Variants in PAQR5 observed in about 807,000 individuals in gnomAD.
The protein encoded by PAQR5 is membrane progestin receptor gamma.
A neutral mutation model predicts 34.5 loss-of-function variants in PAQR5; 20 were observed. That is an observed-to-expected ratio of 0.58 (90% CI 0.41 to 0.84). The LOEUF (loss-of-function observed/expected upper bound fraction) is 0.84, where lower values mean the gene tolerates loss of function less well. Ranked by LOEUF, PAQR5 falls within the 40% of genes least tolerant of loss-of-function variation. The pLI is 0.00. For missense variants in PAQR5, 378 were observed against 412.7 expected, an observed-to-expected ratio of 0.92 and a Z score of 0.73; for synonymous variants, 131 against 155.6, an observed-to-expected ratio of 0.84 and a Z score of 1.18.
At position 69,335,542 on chromosome 15, in the gene PAQR5, G is replaced by GTTTTTTTTTTTTTTTTTTTTTTT. The variant is rs56712868; in HGVS notation, c.-276-1796_-276-1774dup. 3.3e-5 allele frequency among the ~76,000 whole-genome samples: 2 copies of GTTTTTTTTTTTTTTTTTTTTTTT among 61,104 alleles called. 1 individual carries two copies. Among genetic ancestry groups the GTTTTTTTTTTTTTTTTTTTTTTT allele is most frequent in the Non-Finnish European group, 5.7e-5 (2 of 35,040 alleles). The allele number at this position is 61,104 out of a possible 152,430, so 40.1% of individuals were successfully genotyped here. On this transcript the variant is annotated intron_variant, in intron 1 of 8. Coordinates refer to ENST00000395407, the MANE Select transcript of PAQR5 (RefSeq NM_017705.4). ...TTACAGGTGTGAGCCACCGCATCCA[G>GTTTTTTTTTTTTTTTTTTTTTTT]TTTTTTTTTTTTTTTTTTTTTTTTT...
In PAQR5 at chr15:69,360,032, G is replaced by A; in HGVS notation, c.-49G>A. ...ATGTTAGAGCTTTGAGTGAGGCCTG[G>A]TAACAGGGAGGCGCTGTCACCTACT... On this transcript the variant is annotated 5_prime_UTR_variant, in exon 3 of 9. Transcript: ENST00000395407. The A allele has an allele frequency of 4.6e-6, 7 of 1,505,898 alleles. No individual in the cohort carries two copies. Among genetic ancestry groups the A allele is most frequent in the Non-Finnish European group, 6.5e-6 (7 of 1,082,350 alleles). The allele number at this position is 1,505,898 out of a possible 1,614,324, so 93.3% of individuals were successfully genotyped here. A position where few individuals can be genotyped will look rare whatever the true frequency, so the allele number is the denominator to read the frequency against.
At chr15:69,374,074 G>A (rs1303930314) in intron 3 of PAQR5, among the ~76,000 whole-genome samples, 1 of 152,060 alleles carries the variant, frequency 6.6e-6, no homozygotes, top group African/African-American at 2.4e-5. Context: ...TATACTGCAT[G>A]TACAAAAAGC....
At chr15:69,356,835 T>C (rs905214504) in intron 2 of PAQR5, among the ~76,000 whole-genome samples, 3 of 152,194 alleles carry the variant, frequency 2.0e-5, no homozygotes, top group African/African-American at 7.2e-5. Context: ...TTTTTAAGGA[T>C]GAATAATATT....
At chr15:69,330,624 C>T (rs1026259775) in intron 1 of PAQR5, among the ~76,000 whole-genome samples, 2 of 152,092 alleles carry the variant, frequency 1.3e-5, no homozygotes, top group African/African-American at 2.4e-5. Context: ...AAGACAACTT[C>T]GACTCCCTAT....
chr15:69,374,336 C>T (rs997093961), intron 3 of PAQR5, among the ~76,000 whole-genome samples: 4 of 152,110 alleles, frequency 2.6e-5, no homozygotes, highest in African/African-American at 9.7e-5. Context: ...ACTGTCCAAC[C>T]TAGAGCCTGG....
chr15:69,370,470 AG>A (rs2055530129), intron 3 of PAQR5, among the ~76,000 whole-genome samples: 1 of 152,194 alleles, frequency 6.6e-6, no homozygotes, highest in South Asian at 2.1e-4. Flanking sequence ...AGTTATGTAA[AG>A]TGGTTCTATT....
intron 4 of PAQR5, among the ~76,000 whole-genome samples, chr15:69,382,507 T>C (rs1032144896): frequency 2.6e-5 from 4 of 151,084 alleles, no homozygotes; most frequent in Admixed American, 2.6e-4. Flanking sequence ...TAGCCAGGCG[T>C]GGTGGAGGGT....
intron 3 of PAQR5, among the ~76,000 whole-genome samples, chr15:69,375,286 GGT>G (rs2055675911): frequency 6.6e-6 from 1 of 152,066 alleles, no homozygotes; most frequent in Non-Finnish European, 1.5e-5. Flanking sequence ...GCTCATCCCT[GGT>G]GTCTCTCTGT....
intron 1 of PAQR5, among the ~76,000 whole-genome samples, chr15:69,323,482 G>A (rs1266716908): frequency 1.3e-5 from 2 of 152,166 alleles, no homozygotes; most frequent in South Asian, 2.1e-4. Flanking sequence ...GAGGCAGGAT[G>A]GGGGCACATA....
chr15:69,330,238 A>G (rs1567002601), intron 1 of PAQR5, among the ~76,000 whole-genome samples: 1 of 152,188 alleles, frequency 6.6e-6, no homozygotes, highest in Non-Finnish European at 1.5e-5. Context: ...CGTGAAAGAG[A>G]TCTAACTTAA....
intron 2 of PAQR5, among the ~76,000 whole-genome samples, chr15:69,347,380 C>T (rs945121487): frequency 1.3e-5 from 2 of 152,112 alleles, no homozygotes; most frequent in East Asian, 1.9e-4. Flanking sequence ...TTCTATCAGT[C>T]GGAAAAAGAA....
chr15:69,392,624 A>T (rs755370416), intron 6 of PAQR5, among the ~76,000 whole-genome samples: 4 of 152,184 alleles, frequency 2.6e-5, no homozygotes, highest in Non-Finnish European at 4.4e-5. Flanking sequence ...CATAGGAGAG[A>T]CAGACTGCAG....
At chr15:69,308,076 G>A (rs1302685007) in intron 1 of PAQR5, among the ~76,000 whole-genome samples, 1 of 152,198 alleles carries the variant, frequency 6.6e-6, no homozygotes, top group Non-Finnish European at 1.5e-5. Context: ...AGCCAGTCAA[G>A]GGCCAGGGCA....
chr15:69,359,504 G>A (rs1000900961), intron 2 of PAQR5, among the ~76,000 whole-genome samples: 1 of 152,028 alleles, frequency 6.6e-6, no homozygotes, highest in Non-Finnish European at 1.5e-5. Context: ...GATCGAGCAG[G>A]GGGTATGTAA....
chr15:69,393,973 C>T (rs567178846), intron 6 of PAQR5, among the ~76,000 whole-genome samples: 2 of 152,208 alleles, frequency 1.3e-5, no homozygotes, highest in Admixed American at 6.5e-5. Context: ...TGGGGGTGGC[C>T]GAGGCCCTGG....
chr15:69,335,408 G>T (rs1264083294), intron 1 of PAQR5, among the ~76,000 whole-genome samples: 2 of 150,546 alleles, frequency 1.3e-5, no homozygotes, highest in East Asian at 4.1e-4. Flanking sequence ...ACCACACCTG[G>T]CTAATTTTTT....
intron 7 of PAQR5, among the ~76,000 whole-genome samples, chr15:69,398,160 C>G (rs1032627211): frequency 6.6e-6 from 1 of 152,000 alleles, no homozygotes; most frequent in Non-Finnish European, 1.5e-5. Flanking sequence ...AGCAAGAGTT[C>G]GGGAATGCAT....
At chr15:69,344,764 G>T (rs952797219) in intron 2 of PAQR5, among the ~76,000 whole-genome samples, 3 of 152,180 alleles carry the variant, frequency 2.0e-5, no homozygotes, top group African/African-American at 7.2e-5. Context: ...TAGTTGTGAA[G>T]ATGCTCTTGC....
intron 4 of PAQR5, among the ~76,000 whole-genome samples, chr15:69,382,698 ATATATATG>A (rs2055929019): frequency 7.1e-5 from 6 of 83,954 alleles, no homozygotes; most frequent in African/African-American, 2.2e-4. Context: ...ATATATATAT[ATATATATG>A]TATGTATGTA....
Sources: allele counts gnomAD v4.1 joint callset (sites outside exome capture counted in the v4.1 genomes callset), GRCh38; gene constraint gnomAD v4.1.1; transcripts MANE v1.5; gene names NCBI Gene and HGNC (gene_info 2026-07-23, HGNC 2026-07-21).